The following TMED3 variants were observed in gnomAD, a reference collection of about 807,000 sequenced individuals.
TMED3 encodes transmembrane p24 trafficking protein 3.
Under a neutral mutation model 15.0 loss-of-function variants are expected in TMED3, and 9 were observed. That is an observed-to-expected ratio of 0.60 (90% CI 0.36 to 1.04). The LOEUF is 1.04. Ranked by LOEUF, TMED3 falls within the 50% of genes least tolerant of loss-of-function variation. TMED3 has a pLI of 0.01. For missense variants in TMED3, 267 were observed against 278.9 expected, an observed-to-expected ratio of 0.96 and a Z score of 0.30; for synonymous variants, 117 against 121.4, an observed-to-expected ratio of 0.96 and a Z score of 0.24.
rs1293634897 is a variant in TMED3, at chr15:79,311,239, C to T, written c.-11C>T. 6.3e-7 allele frequency: 1 copy of T among 1,593,476 alleles called. No individual in the cohort carries two copies. The highest frequency in any genetic ancestry group is 1.1e-5 in the South Asian group (1 of 89,258). On this transcript the variant is annotated 5_prime_UTR_variant, in exon 1 of 3. Transcript: ENST00000299705. Reference sequence around the variant, plus strand: ...CCGAGCCGCGGCCCTCGAGACGGGACCGAGAGCATCATGGGCAGCACTGTC... The same window carrying T: ...CCGAGCCGCGGCCCTCGAGACGGGATCGAGAGCATCATGGGCAGCACTGTC...
intron 2 of TMED3, among the ~76,000 whole-genome samples, chr15:79,392,248 T>G (rs189833437): frequency 6.6e-6 from 1 of 152,366 alleles, no homozygotes; most frequent in African/African-American, 2.4e-5. Flanking sequence ...GTTTCCAGGA[T>G]TTGTTTCAAG....
At chr15:79,394,374 G>A (rs946275250) in intron 2 of TMED3, among the ~76,000 whole-genome samples, 1 of 152,184 alleles carries the variant, frequency 6.6e-6, no homozygotes, top group South Asian at 2.1e-4. Flanking sequence ...TTTGGCTCTG[G>A]TTGTGTCTCT....
chr15:79,391,640 C>T (rs568489551), intron 2 of TMED3, among the ~76,000 whole-genome samples: 6 of 151,988 alleles, frequency 3.9e-5, no homozygotes, highest in African/African-American at 1.2e-4. Context: ...CTTTCTGTCT[C>T]GATGACCTGT....
chr15:79,333,270 A>T (rs747814255), intron 2 of TMED3, among the ~76,000 whole-genome samples: 4 of 152,188 alleles, frequency 2.6e-5, no homozygotes, highest in Non-Finnish European at 4.4e-5. Context: ...GCAAAATCTA[A>T]CACAGTTGAA....
At chr15:79,408,347 T>G (rs951952) in intron 2 of TMED3, among the ~76,000 whole-genome samples, 71,898 of 152,000 alleles carry the variant, frequency 0.47, 17,389 homozygotes, top group East Asian at 0.68. Context: ...GACGTATGAG[T>G]CACCCATAGG....
chr15:79,395,249 G>A (rs910356134), intron 2 of TMED3, among the ~76,000 whole-genome samples: 1 of 152,076 alleles, frequency 6.6e-6, no homozygotes, highest in African/African-American at 2.4e-5. Context: ...GCACGATCTC[G>A]GCCCACTGAA....
intron 2 of TMED3, among the ~76,000 whole-genome samples, chr15:79,385,235 C>A (rs908619369): frequency 6.6e-5 from 10 of 152,158 alleles, no homozygotes; most frequent in Non-Finnish European, 1.0e-4. Flanking sequence ...CTCAGGCATG[C>A]ACAGAGACCC....
At chr15:79,324,079 C>T (rs751849715), downstream of TMED3, among the ~76,000 whole-genome samples, 1 of 152,226 alleles carries the variant, frequency 6.6e-6, no homozygotes, top group Non-Finnish European at 1.5e-5. Context: ...CAACCTCCCC[C>T]TCCTGGGTTT....
intron 2 of TMED3, among the ~76,000 whole-genome samples, chr15:79,372,240 G>A (rs752385752): frequency 5.3e-5 from 8 of 152,206 alleles, no homozygotes; most frequent in Non-Finnish European, 1.2e-4. Context: ...ATAGGCAGGG[G>A]TGGATGTCTT....
intron 1 of TMED3, 49 bp from the exon 2 acceptor site, chr15:79,313,708 T>G: frequency 6.3e-7 from 1 of 1,581,834 alleles, no homozygotes; most frequent in Non-Finnish European, 8.6e-7. Flanking sequence ...TGGCATTTGG[T>G]AAGTGGTGGT....
At chr15:79,388,589 G>T (rs1041114408) in intron 2 of TMED3, among the ~76,000 whole-genome samples, 2 of 152,020 alleles carry the variant, frequency 1.3e-5, no homozygotes, top group Non-Finnish European at 2.9e-5. Flanking sequence ...TTTGTATAAT[G>T]ACTTCTTTTC....
At chr15:79,398,580 G>A (rs1257379522) in intron 2 of TMED3, among the ~76,000 whole-genome samples, 1 of 113,354 alleles carries the variant, frequency 8.8e-6, no homozygotes, top group African/African-American at 3.3e-5. Context: ...GAAGATCGAT[G>A]TCCCAGCTTG....
At chr15:79,353,658 T>G (rs952677671) in intron 2 of TMED3, among the ~76,000 whole-genome samples, 5 of 151,096 alleles carry the variant, frequency 3.3e-5, no homozygotes, top group African/African-American at 1.2e-4. Context: ...ATCACCATGA[T>G]TTTTTTCTCG....
intron 2 of TMED3, among the ~76,000 whole-genome samples, chr15:79,365,722 C>G (rs117607914): frequency 3.6e-4 from 55 of 152,348 alleles, no homozygotes; most frequent in African/African-American, 1.3e-3. Flanking sequence ...ATCTGTAGCT[C>G]TCTGCTTAGG....
intron 2 of TMED3, among the ~76,000 whole-genome samples, chr15:79,352,256 A>AT (rs2058893790): frequency 6.6e-6 from 1 of 152,190 alleles, no homozygotes; most frequent in Non-Finnish European, 1.5e-5. Flanking sequence ...ATTATTTGGC[A>AT]TAGACCATTG....
intron 2 of TMED3, among the ~76,000 whole-genome samples, chr15:79,372,537 G>C (rs535975477): frequency 6.6e-6 from 1 of 152,184 alleles, no homozygotes; most frequent in Non-Finnish European, 1.5e-5. Context: ...AATCATGGCC[G>C]GAGGCAAAGG....
intron 2 of TMED3, among the ~76,000 whole-genome samples, chr15:79,376,176 C>T (rs1010888278): frequency 6.8e-6 from 1 of 146,310 alleles, no homozygotes; most frequent in Non-Finnish European, 1.5e-5. Context: ...GTGGCGCGAT[C>T]TCGGCTCACT....
chr15:79,322,018 C>T lies in TMED3; in HGVS notation c.458C>T (p.Thr153Met), dbSNP rs756104785. The T allele has an allele frequency of 8.5e-5, 138 of 1,614,098 alleles. No individual in the cohort carries two copies. The highest frequency in any genetic ancestry group is 1.7e-4 in the African/African-American group (13 of 74,924). The stretch of plus-strand genomic sequence containing the variant: ...GTGACCATCCATGAGGCTCTGAAAA[C>T]GGTGATTGACTCCCAGACGCATTAC... ...ACVTIHEALKTVIDSQTHYRL... is the reference protein window; with the variant it reads ...ACVTIHEALKMVIDSQTHYRL... Residue 153 changes from threonine (T) to methionine (M), a missense_variant, in exon 3 of 3, where the codon ACG becomes ATG. Physicochemically the swap from Thr to Met is moderately conservative, Grantham distance 81. Transcript: ENST00000299705.
intron 2 of TMED3, among the ~76,000 whole-genome samples, chr15:79,396,103 T>C (rs1893760637): frequency 6.6e-6 from 1 of 152,368 alleles, no homozygotes; most frequent in Non-Finnish European, 1.5e-5. Context: ...CTCATTTTTC[T>C]TTGCCTCTGA....
Sources: allele counts gnomAD v4.1 joint callset (sites outside exome capture counted in the v4.1 genomes callset), GRCh38; gene constraint gnomAD v4.1.1; transcripts MANE v1.5; gene names NCBI Gene and HGNC (gene_info 2026-07-23, HGNC 2026-07-21).